Variants in PIAS2 observed in about 807,000 individuals in gnomAD.
The protein encoded by PIAS2 is E3 SUMO-protein ligase PIAS2.
In PIAS2, 19 loss-of-function variants were observed where a neutral mutation model predicts 69.7. The ratio of observed to expected loss-of-function variants is 0.27; its 90% confidence interval spans 0.19 to 0.40. The LOEUF is 0.40. Among genes scored for constraint, PIAS2 ranks in the 10% least tolerant of loss-of-function variants. The pLI, the probability that PIAS2 is intolerant of heterozygous loss-of-function variation, is 1.00. For synonymous variants in PIAS2, 261 were observed against 263.2 expected (o/e 0.99, Z 0.08); for missense variants, 624 against 757.0 (o/e 0.82, Z 2.06).
intron 13 of PIAS2, among the ~76,000 whole-genome samples, chr18:46,814,483 AATG>A (rs772007468): frequency 6.6e-6 from 1 of 152,158 alleles, no homozygotes; most frequent in Admixed American, 6.6e-5. Context: ...GTCAACTCCG[AATG>A]ATAAGAAATT....
rs1450822509 is a variant in PIAS2, at chr18:46,810,342, C to T, written c.*2091G>A. 2.6e-5 allele frequency: 4 copies of T among 152,048 alleles called. No individual in the cohort carries two copies. Among genetic ancestry groups the T allele is most frequent in the African/African-American group, 9.7e-5 (4 of 41,400 alleles). The allele number at this position is 152,048 out of a possible 1,614,324, so 9.4% of individuals were successfully genotyped here. A position where few individuals can be genotyped will look rare whatever the true frequency, so the allele number is the denominator to read the frequency against. ...GAGTCTCTGACAATCTAAAGGGTAA[C>T]AAAATAACAAATATACATCATTTCT... On this transcript the variant is annotated 3_prime_UTR_variant, in exon 14 of 14. Transcript: ENST00000585916.
chr18:46,861,903 T>C (rs1018816633), intron 3 of PIAS2, among the ~76,000 whole-genome samples: 2 of 152,240 alleles, frequency 1.3e-5, no homozygotes, highest in Non-Finnish European at 2.9e-5. Context: ...TAGTTAATAG[T>C]ACTGTACCAA....
chr18:46,848,852 T>G, intron 5 of PIAS2, among the ~76,000 whole-genome samples: 1 of 148,676 alleles, frequency 6.7e-6, no homozygotes, highest in African/African-American at 2.5e-5. Flanking sequence ...AAAAAAAAGT[T>G]GCTCAGAAAA....
At chr18:46,915,101 CG>C (rs2057671479) in intron 1 of PIAS2, 1 of 151,892 alleles carries the variant, frequency 6.6e-6, no homozygotes, top group African/African-American at 2.4e-5. Flanking sequence ...TAGTGTAGCC[CG>C]GGCTCTGAAA....
At chr18:46,871,411 T>C (rs1056355907) in intron 2 of PIAS2, among the ~76,000 whole-genome samples, 1 of 152,076 alleles carries the variant, frequency 6.6e-6, no homozygotes, top group African/African-American at 2.4e-5. Context: ...ATAAAGGACA[T>C]AGAGAGACAA....
At chr18:46,822,436 G>A (rs2042277412) in intron 11 of PIAS2, among the ~76,000 whole-genome samples, 1 of 152,130 alleles carries the variant, frequency 6.6e-6, no homozygotes, top group African/African-American at 2.4e-5. Flanking sequence ...GATAAAGACA[G>A]AAGGAAGTTA....
At chr18:46,819,348 T>C (rs1458742912) in intron 12 of PIAS2, among the ~76,000 whole-genome samples, 1 of 152,148 alleles carries the variant, frequency 6.6e-6, no homozygotes, top group Non-Finnish European at 1.5e-5. Context: ...GTATATACTT[T>C]ACAAATACTT....
intron 2 of PIAS2, among the ~76,000 whole-genome samples, chr18:46,878,210 A>G (rs955288085): frequency 2.0e-5 from 3 of 152,196 alleles, no homozygotes; most frequent in Admixed American, 1.3e-4. Flanking sequence ...TGGAAGTAAC[A>G]CTTTTCTCAC....
At position 46,846,838 on chromosome 18, in the gene PIAS2, A is replaced by G. The variant is rs2046230353; in HGVS notation, c.730T>C (p.Tyr244His). ...ATCCCATTTTTAGGCGGTGGTGCAT[A>G]GCCCTATAACCGTAAGAAAGAAAAA... is the stretch of plus-strand genomic sequence containing the variant. Reference protein sequence around the residue: ...VNGKLFPLPGYAPPPKNGIEQ... With the variant: ...VNGKLFPLPGHAPPPKNGIEQ... The change falls in exon 6 of 14, where the codon TAT becomes CAT. Residue 244 changes from tyrosine to histidine, a missense_variant. Physicochemically the swap from Tyr to His is moderately conservative, Grantham distance 83. Coordinates refer to ENST00000585916, the MANE Select transcript of PIAS2 (RefSeq NM_004671.5). 1 of 1,602,354 alleles carries G rather than the reference A, an allele frequency of 6.2e-7. No individual in the cohort carries two copies. Among genetic ancestry groups the G allele is most frequent in the African/African-American group, 1.3e-5 (1 of 74,410 alleles).
intron 2 of PIAS2, among the ~76,000 whole-genome samples, chr18:46,878,008 A>T (rs948966839): frequency 2.0e-5 from 3 of 152,238 alleles, no homozygotes; most frequent in African/African-American, 4.8e-5. Flanking sequence ...ATTCATTTAT[A>T]ATTACTAAAT....
intron 12 of PIAS2, chr18:46,816,339 AT>A: frequency 1.0e-6 from 1 of 961,190 alleles, no homozygotes; most frequent in Non-Finnish European, 1.2e-6. Context: ...ATTTAAGTAT[AT>A]TTATTCTCTT....
intron 11 of PIAS2, among the ~76,000 whole-genome samples, chr18:46,826,009 A>G (rs2042793337): frequency 6.6e-6 from 1 of 152,180 alleles, no homozygotes; most frequent in Non-Finnish European, 1.5e-5. Flanking sequence ...CTGTTTCTTA[A>G]GAGTTCTTCC....
intron 3 of PIAS2, among the ~76,000 whole-genome samples, chr18:46,858,739 A>G (rs1000720295): frequency 2.0e-5 from 3 of 152,164 alleles, no homozygotes; most frequent in African/African-American, 7.2e-5. Flanking sequence ...GAAAGCTATT[A>G]AACATAAATA....
At chr18:46,823,225 C>T (rs1023969066) in intron 11 of PIAS2, among the ~76,000 whole-genome samples, 1 of 151,516 alleles carries the variant, frequency 6.6e-6, no homozygotes, top group Admixed American at 6.6e-5. Flanking sequence ...AAAGCAAGAC[C>T]TCGTCTCAAA....
intron 2 of PIAS2, among the ~76,000 whole-genome samples, chr18:46,871,485 C>T (rs1239770720): frequency 6.6e-6 from 1 of 152,164 alleles, no homozygotes; most frequent in African/African-American, 2.4e-5. Flanking sequence ...TGTGGAGGAG[C>T]AGTCATTTTA....
At chr18:46,896,164 G>GAAAAAAAAAAAAAA (rs1491313474) in intron 1 of PIAS2, among the ~76,000 whole-genome samples, 1 of 22,322 alleles carries the variant, frequency 4.5e-5, no homozygotes, top group Non-Finnish European at 1.0e-4. Context: ...AAAGAAAAAA[G>GAAAAAAAAAAAAAA]CAAAAAAAAA....
chr18:46,827,421 G>C (rs764788741), intron 11 of PIAS2: 34 of 152,174 alleles, frequency 2.2e-4, no homozygotes, highest in African/African-American at 8.2e-4. Context: ...AAAAGGGAAA[G>C]GAATCAATTT....
intron 11 of PIAS2, among the ~76,000 whole-genome samples, chr18:46,822,419 C>T (rs2042275810): frequency 6.6e-6 from 1 of 151,964 alleles, no homozygotes; most frequent in South Asian, 2.1e-4. Flanking sequence ...TACATTTTCC[C>T]GAGGTAGATA....
chr18:46,820,421 C>T (rs1019555114), intron 12 of PIAS2, among the ~76,000 whole-genome samples: 2 of 152,060 alleles, frequency 1.3e-5, no homozygotes, highest in Non-Finnish European at 2.9e-5. Flanking sequence ...TGGAACTTAT[C>T]CCCCGTGGAT....
Sources: allele counts gnomAD v4.1 joint callset (sites outside exome capture counted in the v4.1 genomes callset), GRCh38; gene constraint gnomAD v4.1.1; transcripts MANE v1.5; gene names NCBI Gene and HGNC (gene_info 2026-07-23, HGNC 2026-07-21).